Variants in SNTB1 observed in about 807,000 individuals in gnomAD.
The protein encoded by SNTB1 is syntrophin beta 1, also known as beta-1-syntrophin.
In SNTB1, 36 loss-of-function variants were observed where a neutral mutation model predicts 48.9. That is an observed-to-expected ratio of 0.74 (90% CI 0.56 to 0.97). The LOEUF (loss-of-function observed/expected upper bound fraction) is 0.97, where lower values mean the gene tolerates loss of function less well. SNTB1 is among the 50% of genes least tolerant of loss of function. The pLI, the probability that SNTB1 is intolerant of heterozygous loss-of-function variation, is 0.00. For missense variants in SNTB1, 786 were observed against 703.4 expected (o/e 1.12, Z -1.33); for synonymous variants, 299 against 294.6 (o/e 1.01, Z -0.15).
chr8:120,811,627 C>A lies in SNTB1; in HGVS notation c.217G>T (p.Gly73Trp), dbSNP rs763446005. 5.0e-6 allele frequency: 8 copies of A among 1,591,592 alleles called. No homozygotes were observed. Among genetic ancestry groups the A allele is most frequent in the South Asian group, 2.3e-5 (2 of 88,622 alleles). ...ATNGSFCRGA[G>W]AGHPGAGGAQ... is the part of the protein sequence containing the mutation. ...CCGCCCGCGCCCGGGTGCCCAGCCC[C>A]GGCGCCCCTGCAGAACGAGCCATTG... The change falls in exon 1 of 7, where the codon GGG (glycine) becomes TGG (tryptophan). Residue 73 changes from glycine to tryptophan, a missense_variant. Transcript: ENST00000517992.
intron 3 of SNTB1, among the ~76,000 whole-genome samples, chr8:120,622,112 A>C (rs1205508717): frequency 6.6e-6 from 1 of 152,200 alleles, no homozygotes; most frequent in African/African-American, 2.4e-5. Flanking sequence ...CAGGGTTACA[A>C]GCTGCGGGGC....
intron 1 of SNTB1, among the ~76,000 whole-genome samples, chr8:120,805,291 G>A (rs1398067033): frequency 6.6e-6 from 1 of 152,096 alleles, no homozygotes; most frequent in Non-Finnish European, 1.5e-5. Flanking sequence ...GTTAACTTAC[G>A]TGGCAAAGGG....
intron 2 of SNTB1, among the ~76,000 whole-genome samples, chr8:120,666,706 A>C (rs1446074592): frequency 1.3e-5 from 2 of 151,768 alleles, no homozygotes; most frequent in Non-Finnish European, 2.9e-5. Flanking sequence ...CCCTTTGTGG[A>C]CTCCAACTAC....
chr8:120,672,319 A>C (rs930763564), intron 2 of SNTB1, among the ~76,000 whole-genome samples: 4 of 152,232 alleles, frequency 2.6e-5, no homozygotes, highest in South Asian at 2.1e-4. Context: ...ATAAATCATG[A>C]AATATTTTAA....
intron 1 of SNTB1, among the ~76,000 whole-genome samples, chr8:120,701,077 T>C (rs1050816064): frequency 2.0e-5 from 3 of 152,078 alleles, no homozygotes; most frequent in African/African-American, 7.2e-5. Flanking sequence ...TGGGGACAGG[T>C]TGGTGACAGT....
chr8:120,811,630 C>T lies in SNTB1; in HGVS notation c.214G>A (p.Ala72Thr). ...TATNGSFCRG[A>T]GAGHPGAGGA... The stretch of plus-strand genomic sequence containing the variant: ...CCCGCGCCCGGGTGCCCAGCCCCGG[C>T]GCCCCTGCAGAACGAGCCATTGGTG... The change falls in exon 1 of 7, where the codon GCC (alanine) becomes ACC (threonine). Residue 72 changes from alanine to threonine, a missense_variant. Ala to Thr is a moderately conservative substitution (Grantham distance 58, BLOSUM62 0). Transcript: ENST00000517992. The T allele has an allele frequency of 1.9e-6, 3 of 1,591,984 alleles. No homozygotes were observed. The highest frequency in any genetic ancestry group is 2.6e-6 in the Non-Finnish European group (3 of 1,172,906).
chr8:120,808,450 G>T (rs1563609659), intron 1 of SNTB1, among the ~76,000 whole-genome samples: 1 of 152,158 alleles, frequency 6.6e-6, no homozygotes, highest in Non-Finnish European at 1.5e-5. Flanking sequence ...TACAAAAAAA[G>T]TGTTATAAAA....
At chr8:120,650,622 A>G (rs1817397357) in intron 2 of SNTB1, among the ~76,000 whole-genome samples, 1 of 152,178 alleles carries the variant, frequency 6.6e-6, no homozygotes, top group Non-Finnish European at 1.5e-5. Flanking sequence ...AAGATTCTCA[A>G]CAAGGTCATG....
chr8:120,718,909 G>C (rs1220176934), intron 1 of SNTB1, among the ~76,000 whole-genome samples: 1 of 152,146 alleles, frequency 6.6e-6, no homozygotes, highest in East Asian at 1.9e-4. Flanking sequence ...GGCTTGACTT[G>C]GTAGGTTCAG....
At position 120,649,235 on chromosome 8, in the gene SNTB1, G is replaced by T. The variant is rs1056809451; in HGVS notation, c.789-16584C>A. Among the ~76,000 whole-genome samples the T allele has an allele frequency of 7.2e-5, 11 of 151,930 alleles. No homozygotes were observed. In the South Asian group the frequency reaches 2.3e-3, roughly 32 times the overall value. On this transcript the variant is annotated intron_variant, in intron 2 of 6. Coordinates refer to ENST00000517992, the MANE Select transcript of SNTB1 (RefSeq NM_021021.4). ...GGAACTGCGTTCCCTTGGAGGAGGA[G>T]AGGCGCTCTGCTTTTTAGAGTTTCC...
At chr8:120,776,098 A>T (rs1248951659) in intron 1 of SNTB1, among the ~76,000 whole-genome samples, 2 of 152,228 alleles carry the variant, frequency 1.3e-5, no homozygotes, top group African/African-American at 2.4e-5. Flanking sequence ...GTATATACCC[A>T]AAGGATTATA....
At chr8:120,560,204 C>A (rs185086944) in intron 4 of SNTB1, among the ~76,000 whole-genome samples, 7 of 152,148 alleles carry the variant, frequency 4.6e-5, no homozygotes. Context: ...TCATCTGGGC[C>A]GGGTGCGGTG....
chr8:120,684,901 C>T (rs1442831461), intron 2 of SNTB1, among the ~76,000 whole-genome samples: 2 of 152,166 alleles, frequency 1.3e-5, no homozygotes, highest in Non-Finnish European at 2.9e-5. Context: ...GTTACTCCAC[C>T]CGCCTTGGCA....
chr8:120,688,346 T>C (rs1467270444), intron 2 of SNTB1, among the ~76,000 whole-genome samples: 2 of 152,182 alleles, frequency 1.3e-5, no homozygotes, highest in Non-Finnish European at 2.9e-5. Flanking sequence ...TATTCCCTTA[T>C]TCCCAAGACT....
At chr8:120,809,241 T>C (rs1306261780) in intron 1 of SNTB1, among the ~76,000 whole-genome samples, 1 of 152,206 alleles carries the variant, frequency 6.6e-6, no homozygotes, top group Non-Finnish European at 1.5e-5. Context: ...GCTTCTCTCA[T>C]TAGCAGCTGA....
intron 3 of SNTB1, among the ~76,000 whole-genome samples, chr8:120,614,104 C>T (rs1816669702): frequency 6.6e-6 from 1 of 152,212 alleles, no homozygotes; most frequent in Non-Finnish European, 1.5e-5. Context: ...TGTTTATCCA[C>T]AGCATTACAG....
At position 120,811,270 on chromosome 8, in the gene SNTB1, T is replaced by A. The variant is rs962432908; in HGVS notation, c.571+3A>T. On this transcript the variant is annotated splice_donor_region_variant and intron_variant, in intron 1 of 6. Transcript: ENST00000517992. ...CGCGGCCCGCGCGCTGTTAACCCCT[T>A]ACCTTCCAGCAGCACTTCCTTGCCC... The A allele has an allele frequency of 6.3e-7, 1 of 1,592,062 alleles. No homozygotes were observed. The highest frequency in any genetic ancestry group is 1.3e-5 in the African/African-American group (1 of 74,728).
At chr8:120,584,234 G>C (rs992373041) in intron 3 of SNTB1, among the ~76,000 whole-genome samples, 3 of 152,056 alleles carry the variant, frequency 2.0e-5, no homozygotes, top group African/African-American at 7.2e-5. Flanking sequence ...CTGAGGTCAG[G>C]AGTTCGAGAC....
intron 2 of SNTB1, among the ~76,000 whole-genome samples, chr8:120,670,705 T>C (rs1170366909): frequency 6.6e-6 from 1 of 152,230 alleles, no homozygotes; most frequent in African/African-American, 2.4e-5. Flanking sequence ...ACAATTCCTC[T>C]TTGAAGTCAA....
Sources: allele counts gnomAD v4.1 joint callset (sites outside exome capture counted in the v4.1 genomes callset), GRCh38; gene constraint gnomAD v4.1.1; transcripts MANE v1.5; gene names NCBI Gene and HGNC (gene_info 2026-07-23, HGNC 2026-07-21).